FXYD6: variants seen among roughly 807,000 people sequenced by gnomAD.
FXYD6 encodes the protein FXYD domain containing ion transport regulator 6, also known as FXYD domain-containing ion transport regulator 6.
FXYD6 carries 7 observed loss-of-function variants against 16.7 expected under a neutral mutation model. The observed-to-expected ratio is 0.42, with a 90% CI of 0.24 to 0.79. FXYD6 has a LOEUF of 0.79. FXYD6 is among the 30% of genes least tolerant of loss of function. FXYD6 has a pLI of 0.28. For missense variants in FXYD6, 111 were observed against 116.2 expected (o/e 0.95, Z 0.21); for synonymous variants, 49 against 43.0 (o/e 1.14, Z -0.54).
rs758256700 is a variant in FXYD6 at position 117,858,631 on chromosome 11, T to TTTTC, written c.-5-15854_-5-15851dup. ...AGAGTCGATTCTGCTTCATTTTCTT[T>TTTTC]TTTCTTTCTTTCTTTCTTTCTTTCT... On this transcript the variant is annotated intron_variant, in intron 1 of 7. Coordinates refer to ENST00000526014, the MANE Select transcript of FXYD6 (RefSeq NM_022003.4). Among the ~76,000 whole-genome samples, 881 of 106,630 alleles carry TTTTC rather than the reference T, an allele frequency of 8.3e-3. 10 individuals are homozygous for TTTTC. Among genetic ancestry groups the TTTTC allele is most frequent in the Non-Finnish European group, 0.012 (565 of 47,796 alleles). 70.0% of individuals were successfully genotyped at this position (106,630 alleles called of 152,430 possible).
At chr11:117,866,904 T>A (rs1014955248) in intron 1 of FXYD6, among the ~76,000 whole-genome samples, 1 of 152,142 alleles carries the variant, frequency 6.6e-6, no homozygotes, top group African/African-American at 2.4e-5. Context: ...TGGCTCAGAA[T>A]TAGATGAGGG....
In FXYD6 at chr11:117,842,035, A is replaced by T. The variant is rs770038719; in HGVS notation, c.59-7T>A. The T allele has an allele frequency of 1.2e-5, 19 of 1,614,142 alleles. No homozygotes were observed. The highest frequency in any genetic ancestry group is 7.7e-5 in the South Asian group (7 of 91,074). On this transcript the variant is annotated splice_region_variant and splice_polypyrimidine_tract_variant and intron_variant, in intron 2 of 7. Transcript: ENST00000526014. ...TCCTTCTCCTTTTCAGCTGCTGCAA[A>T]AACAAACAGTTGGTCAAGAGAAAGA...
intron 1 of FXYD6, among the ~76,000 whole-genome samples, chr11:117,846,493 G>T (rs1485398546): frequency 6.6e-6 from 1 of 152,088 alleles, no homozygotes; most frequent in Non-Finnish European, 1.5e-5. Flanking sequence ...AAAACCCCAA[G>T]GTTTTGTCTT....
chr11:117,854,087 C>T (rs1194893173), intron 1 of FXYD6, among the ~76,000 whole-genome samples: 2 of 152,214 alleles, frequency 1.3e-5, no homozygotes, highest in Non-Finnish European at 2.9e-5. Flanking sequence ...CAGTTTACTG[C>T]TGCTTCCTAG....
chr11:117,849,599 T>C (rs1249986644), intron 1 of FXYD6, among the ~76,000 whole-genome samples: 1 of 152,040 alleles, frequency 6.6e-6, no homozygotes, highest in African/African-American at 2.4e-5. Context: ...AATCTACCAC[T>C]AAGTGGAAGG....
chr11:117,857,887 A>G (rs2056771853), intron 1 of FXYD6, among the ~76,000 whole-genome samples: 1 of 152,176 alleles, frequency 6.6e-6, no homozygotes, highest in Admixed American at 6.5e-5. Context: ...TGCCTGCACA[A>G]TATCAGCCTT....
At chr11:117,855,667 T>G (rs797021307) in intron 1 of FXYD6, among the ~76,000 whole-genome samples, 1 of 152,124 alleles carries the variant, frequency 6.6e-6, no homozygotes, top group South Asian at 2.1e-4. Flanking sequence ...AAGGAGTAGA[T>G]GGAAGACAGG....
At chr11:117,862,027 C>T (rs1421205270) in intron 1 of FXYD6, among the ~76,000 whole-genome samples, 1 of 152,182 alleles carries the variant, frequency 6.6e-6, no homozygotes, top group Non-Finnish European at 1.5e-5. Context: ...AGAAGCAAGA[C>T]AGACAGAGGA....
intron 1 of FXYD6, among the ~76,000 whole-genome samples, chr11:117,850,045 T>G (rs570704357): frequency 8.7e-4 from 132 of 152,332 alleles, no homozygotes; most frequent in Non-Finnish European, 1.3e-3. Context: ...CCACAAACCC[T>G]GACTACGCTT....
At chr11:117,876,416 A>C (rs747768207) in intron 1 of FXYD6, among the ~76,000 whole-genome samples, 176 bp downstream of exon 1, 1 of 152,010 alleles carries the variant, frequency 6.6e-6, no homozygotes, top group Non-Finnish European at 1.5e-5. Flanking sequence ...TTACATCCCC[A>C]GCCCGGTTTC....
intron 1 of FXYD6, among the ~76,000 whole-genome samples, chr11:117,855,484 C>A (rs1158888845): frequency 1.3e-5 from 2 of 152,208 alleles, no homozygotes; most frequent in Non-Finnish European, 2.9e-5. Flanking sequence ...CTGCACCCAG[C>A]TTGGCTTCCC....
At chr11:117,843,173 G>A (rs1034177461) in intron 1 of FXYD6, among the ~76,000 whole-genome samples, 1 of 152,162 alleles carries the variant, frequency 6.6e-6, no homozygotes, top group Non-Finnish European at 1.5e-5. Context: ...GACCTCAAGT[G>A]GTCCATCTGC....
chr11:117,862,782 C>G (rs1008513847), intron 1 of FXYD6, among the ~76,000 whole-genome samples: 1 of 152,216 alleles, frequency 6.6e-6, no homozygotes, highest in Non-Finnish European at 1.5e-5. Flanking sequence ...CTGTTCCTCC[C>G]TCCTCCTTGG....
chr11:117,858,808 T>C (rs1217127391), intron 1 of FXYD6, among the ~76,000 whole-genome samples: 1 of 147,906 alleles, frequency 6.8e-6, no homozygotes, highest in East Asian at 2.0e-4. Context: ...ACAGTCTCGC[T>C]CTGTCACCAG....
At chr11:117,844,625 G>A (rs945129064) in intron 1 of FXYD6, among the ~76,000 whole-genome samples, 4 of 152,070 alleles carry the variant, frequency 2.6e-5, no homozygotes, top group African/African-American at 9.7e-5. Context: ...CTCCCAAGGA[G>A]TTTGGATTAC....
chr11:117,858,717 T>TC lies in FXYD6; in HGVS notation c.-5-15937_-5-15936insG, dbSNP rs1484478590. ...TTTCTTTCTTTCTCTCTCTCTCTCC[T>TC]TCCTTCCCTTCCTTCCTTCCTTCCT... On this transcript the variant is annotated intron_variant, in intron 1 of 7. Transcript: ENST00000526014. 1.8e-4 allele frequency among the ~76,000 whole-genome samples: 17 copies of TC among 94,150 alleles called. 2 individuals carry two copies. In the East Asian group the frequency reaches 4.1e-3, roughly 23 times the overall value. 61.8% of individuals were successfully genotyped at this position (94,150 alleles called of 152,430 possible). A position where few individuals can be genotyped will look rare whatever the true frequency, so the allele number is the denominator to read the frequency against.
chr11:117,841,370 A>G (rs1271085082), intron 4 of FXYD6, among the ~76,000 whole-genome samples, 186 bp from the exon 5 acceptor site: 1 of 152,012 alleles, frequency 6.6e-6, no homozygotes, highest in African/African-American at 2.4e-5. Context: ...AATACATTCT[A>G]TAGCTGGAAT....
At chr11:117,842,293 C>A in intron 2 of FXYD6, 2 of 587,804 alleles carry the variant, frequency 3.4e-6, no homozygotes, top group Non-Finnish European at 3.0e-6. Context: ...CCTTTGTATT[C>A]TTACATCATC....
intron 7 of FXYD6, 200 bp downstream of exon 7, chr11:117,839,581 G>A (rs912228580): frequency 3.4e-6 from 2 of 592,774 alleles, no homozygotes; most frequent in African/African-American, 3.7e-5. Context: ...ATGCATGTGT[G>A]TGGGACACTT....
Sources: gnomAD v4.1 joint callset for allele counts (sites outside exome capture counted in the v4.1 genomes callset) on GRCh38, gnomAD v4.1.1 for gene constraint, MANE v1.5 for transcripts, NCBI Gene and HGNC (gene_info 2026-07-23, HGNC 2026-07-21) for gene names.